CHMP7: variants seen among roughly 807,000 people sequenced by gnomAD.
The protein encoded by CHMP7 is CHMP family, member 7.
A neutral mutation model predicts 53.7 loss-of-function variants in CHMP7; 15 were observed. That is an observed-to-expected ratio of 0.28 (90% CI 0.19 to 0.43). The LOEUF (loss-of-function observed/expected upper bound fraction) is 0.43. CHMP7 is among the 20% of genes least tolerant of loss of function. The pLI is 1.00. For synonymous variants in CHMP7, 261 were observed against 228.0 expected (o/e 1.14, Z -1.30); for missense variants, 527 against 569.4 (o/e 0.93, Z 0.76).
At chr8:23,256,157 G>T (rs1243028251) in intron 4 of CHMP7, among the ~76,000 whole-genome samples, 5 of 152,168 alleles carry the variant, frequency 3.3e-5, no homozygotes, top group Admixed American at 6.5e-5. Context: ...TAAGTGAAAA[G>T]GTAAAAGTTC....
At chr8:23,260,398 A>G (rs1802340714) in intron 10 of CHMP7, 75 bp downstream of exon 10, 7 of 1,567,614 alleles carry the variant, frequency 4.5e-6, no homozygotes, top group Admixed American at 3.4e-5. Flanking sequence ...CCCAAGCCCA[A>G]TTACTCCATT....
chr8:23,244,739 C>T (rs1801627169), intron 1 of CHMP7, among the ~76,000 whole-genome samples: 1 of 152,140 alleles, frequency 6.6e-6, no homozygotes, highest in African/African-American at 2.4e-5. Flanking sequence ...GAATTGATAT[C>T]TTGATAATAT....
At position 23,252,609 on chromosome 8, in the gene CHMP7, G is replaced by A. The variant is rs535212010; in HGVS notation, c.472-2638G>A. 9.9e-4 allele frequency: 150 copies of A among 152,206 alleles called. 2 individuals are homozygous for A. The highest frequency in any genetic ancestry group is 3.6e-3 in the African/African-American group (150 of 41,538). The allele number at this position is 152,206 out of a possible 1,614,324, so 9.4% of individuals were successfully genotyped here. On this transcript the variant is annotated intron_variant, in intron 3 of 10. Transcript: ENST00000397677. ...TGTTGCTTGCTTACTTTTTATTTAT[G>A]ATGTCTTTTACCCTATAGAAGGTTT...
intron 10 of CHMP7, 62 bp downstream of exon 10, chr8:23,260,385 G>T: frequency 6.3e-7 from 1 of 1,590,830 alleles, no homozygotes; most frequent in Non-Finnish European, 8.6e-7. Context: ...CAGAGTTGAT[G>T]GGCCCAAGCC....
In CHMP7 at chr8:23,250,662, G is replaced by A. The variant is rs993071895; in HGVS notation, c.471+1281G>A. The stretch of plus-strand genomic sequence containing the variant: ...TGTGTGTGTGTGTGTGTGTGTGTGT[G>A]TGTTGACTGAGCACCTGGTGACCAA... On this transcript the variant is annotated intron_variant, in intron 3 of 10. Coordinates refer to ENST00000397677, the MANE Select transcript of CHMP7 (RefSeq NM_152272.5). Among the ~76,000 whole-genome samples the A allele has an allele frequency of 8.2e-5, 10 of 121,236 alleles. No individual in the cohort carries two copies. In the East Asian group the frequency reaches 2.6e-3, roughly 32 times the overall value. 79.5% of individuals were successfully genotyped at this position (121,236 alleles called of 152,430 possible).
At chr8:23,256,380 A>T in intron 4 of CHMP7, 80 bp from the exon 5 acceptor site, 1 of 930,360 alleles carries the variant, frequency 1.1e-6, no homozygotes, top group Non-Finnish European at 1.8e-6. Context: ...CTGTTCTCAC[A>T]TGCCCACCAC....
intron 5 of CHMP7, 70 bp from the exon 6 acceptor site, chr8:23,257,963 C>G (rs564824514): frequency 6.3e-5 from 66 of 1,051,378 alleles, no homozygotes; most frequent in Admixed American, 2.2e-4. Context: ...GTGCTGCTCT[C>G]AGGGACCCTT....
intron 9 of CHMP7, among the ~76,000 whole-genome samples, chr8:23,259,431 G>A (rs1184691403): frequency 2.6e-5 from 4 of 151,682 alleles, no homozygotes; most frequent in Non-Finnish European, 4.4e-5. Context: ...CGCATTCTCG[G>A]CTCGCTGCAA....
At chr8:23,247,381 A>G (rs1009712075) in intron 2 of CHMP7, among the ~76,000 whole-genome samples, 5 of 152,166 alleles carry the variant, frequency 3.3e-5, no homozygotes, top group African/African-American at 1.2e-4. Context: ...AACCTAGGGA[A>G]GGTTAGAGCT....
At chr8:23,260,359 A>T in intron 10 of CHMP7, 36 bp downstream of exon 10, 1 of 1,608,974 alleles carries the variant, frequency 6.2e-7, no homozygotes, top group Non-Finnish European at 8.5e-7. Context: ...TGGAGGGCAT[A>T]TGGCCTTCTG....
At chr8:23,255,011 A>G in intron 3 of CHMP7, 1 of 569,446 alleles carries the variant, frequency 1.8e-6, no homozygotes, top group Non-Finnish European at 3.2e-6. Context: ...CGTGCAGCGC[A>G]GAGCTGGCTC....
At position 23,258,097 on chromosome 8, in the gene CHMP7, C is replaced by T. The variant is rs201394903; in HGVS notation, c.840+16C>T. The T allele has an allele frequency of 1.0e-4, 167 of 1,608,858 alleles. No homozygotes were observed. The highest frequency in any genetic ancestry group is 1.3e-4 in the Non-Finnish European group (151 of 1,175,706). On this transcript the variant is annotated intron_variant, in intron 6 of 10. Transcript: ENST00000397677. ...GAAGCAGCTGGTGAGTTCTTGTCTCCTCCAGACCCATAGCAGTGCCCCAGG... is the reference window on the plus strand; with the variant it reads ...GAAGCAGCTGGTGAGTTCTTGTCTCTTCCAGACCCATAGCAGTGCCCCAGG...
intron 1 of CHMP7, chr8:23,246,027 C>A (rs994845804): frequency 6.6e-6 from 1 of 152,128 alleles, no homozygotes; most frequent in African/African-American, 2.4e-5. Context: ...AGAGGTTAAT[C>A]AATTTCATTG....
intron 6 of CHMP7, 68 bp downstream of exon 6, chr8:23,258,149 C>G: frequency 6.8e-7 from 1 of 1,473,632 alleles, no homozygotes; most frequent in Non-Finnish European, 9.5e-7. Flanking sequence ...CCCAGCAGTT[C>G]AGAGAGCAGC....
rs1801709407 is a variant in CHMP7 at position 23,246,755 on chromosome 8, G to A, written c.60G>A (p.Leu20=). The change falls in exon 2 of 11, where the codon CTG becomes CTA. Residue 20 remains leucine, a synonymous_variant. Coordinates refer to ENST00000397677, the MANE Select transcript of CHMP7 (RefSeq NM_152272.5). ...CCGGGGGAGACCCGGCGGGCCTTCT[G>A]CCCCCCGAGTGGGAGGAGGACGAGG... The part of the protein sequence containing the change: ...APAGGDPAGL[L]PPEWEEDEER... The A allele has an allele frequency of 6.4e-7, 1 of 1,555,648 alleles. No individual in the cohort carries two copies. The highest frequency in any genetic ancestry group is 8.7e-7 in the Non-Finnish European group (1 of 1,150,008).
intron 9 of CHMP7, chr8:23,259,787 C>T (rs73224417): frequency 0.22 from 44,642 of 203,478 alleles, 6,289 homozygotes; most frequent in Non-Finnish European, 0.3. Context: ...GGCTCATCTG[C>T]GGGAGCAGTC....
intron 10 of CHMP7, 39 bp downstream of exon 10, chr8:23,260,362 G>A (rs1218486129): frequency 2.5e-6 from 4 of 1,606,056 alleles, no homozygotes; most frequent in Non-Finnish European, 2.6e-6. Flanking sequence ...AGGGCATATG[G>A]CCTTCTGGCT....
chr8:23,243,798 C>G lies in CHMP7; in HGVS notation c.-487C>G, dbSNP rs1378649231. The G allele has an allele frequency of 6.4e-6, 1 of 156,974 alleles. No homozygotes were observed. Among genetic ancestry groups the G allele is most frequent in the Non-Finnish European group, 1.4e-5 (1 of 71,710 alleles). The allele number at this position is 156,974 out of a possible 1,614,324, so 9.7% of individuals were successfully genotyped here. On this transcript the variant is annotated 5_prime_UTR_variant, in exon 1 of 11. Coordinates refer to ENST00000397677, the MANE Select transcript of CHMP7 (RefSeq NM_152272.5). ...GAGTTCCTGTTGCTCTGCATCCTCA[C>G]CAGCATTTGGTGTGGTCAGTATTTT...
At chr8:23,244,598 C>T (rs758147056) in intron 1 of CHMP7, among the ~76,000 whole-genome samples, 47 of 152,142 alleles carry the variant, frequency 3.1e-4, no homozygotes, top group Non-Finnish European at 5.6e-4. Flanking sequence ...CTTATTTGTT[C>T]AATATTGTGT....
Sources: allele counts gnomAD v4.1 joint callset (sites outside exome capture counted in the v4.1 genomes callset), GRCh38; gene constraint gnomAD v4.1.1; transcripts MANE v1.5; gene names NCBI Gene and HGNC (gene_info 2026-07-23, HGNC 2026-07-21).